The following FMN2 variants were observed in gnomAD, a reference collection of about 807,000 sequenced individuals.
The protein encoded by FMN2 is formin 2, also known as formin-2.
A neutral mutation model predicts 142.3 loss-of-function variants in FMN2; 51 were observed. That is an observed-to-expected ratio of 0.36 (90% confidence interval 0.29 to 0.45). The LOEUF is 0.45. Among genes scored for constraint, FMN2 ranks in the 20% least tolerant of loss-of-function variants. FMN2 has a pLI of 1.00. For synonymous variants in FMN2, 882 were observed against 869.8 expected, an observed-to-expected ratio of 1.01 and a Z score of -0.25; for missense variants, 1,936 against 2,122.8, an observed-to-expected ratio of 0.91 and a Z score of 1.73.
At chr1:240,121,425 G>T (rs1662241793) in intron 1 of FMN2, among the ~76,000 whole-genome samples, 1 of 150,238 alleles carries the variant, frequency 6.7e-6, no homozygotes, top group African/African-American at 2.4e-5. Flanking sequence ...CGCTAGGCTG[G>T]AGTGCAGTGG....
intron 14 of FMN2, among the ~76,000 whole-genome samples, chr1:240,360,879 C>T (rs9729470): frequency 0.49 from 74,696 of 151,214 alleles, 21,104 homozygotes; most frequent in African/African-American, 0.79. Flanking sequence ...GGACAAAAAA[C>T]CAAACACTGC....
At chr1:240,379,159 T>A (rs1673145389) in intron 14 of FMN2, among the ~76,000 whole-genome samples, 1 of 152,200 alleles carries the variant, frequency 6.6e-6, no homozygotes, top group South Asian at 2.1e-4. Flanking sequence ...CTTAGGCTAG[T>A]CTGGGGCATC....
chr1:240,417,594 T>A (rs2103135605), intron 15 of FMN2, among the ~76,000 whole-genome samples: 1 of 150,992 alleles, frequency 6.6e-6, no homozygotes, highest in Middle Eastern at 3.4e-3. Flanking sequence ...ACTGTCCCTT[T>A]CAGCATGGGA....
chr1:240,150,267 A>C (rs1054265333), intron 2 of FMN2, among the ~76,000 whole-genome samples: 3 of 152,234 alleles, frequency 2.0e-5, no homozygotes, highest in Admixed American at 1.3e-4. Context: ...TGAACTGCAA[A>C]TGAAAATTGA....
intron 2 of FMN2, chr1:240,142,768 G>A (rs1663243582): frequency 6.3e-7 from 1 of 1,597,684 alleles, no homozygotes; most frequent in African/African-American, 1.3e-5. Flanking sequence ...CGTTCCCCGT[G>A]GGCCAACGAC....
chr1:240,472,397 A>G lies in FMN2; in HGVS notation c.5086A>G (p.Arg1696Gly). ...AGTAAAAGAAGCCGAAGAGGTGTGT[A>G]GACAGAAGAAAGGAAAATCACTTTA... The part of the protein sequence containing the change: ...ERVKEAEEVC[R>G]QKKGKSLYKI... Residue 1696 changes from arginine (R) to glycine (G), a missense_variant, in exon 17 of 18, where the codon AGA becomes GGA. Coordinates refer to ENST00000319653, the MANE Select transcript of FMN2 (RefSeq NM_020066.5). The G allele has an allele frequency of 1.2e-6, 2 of 1,612,510 alleles. No individual in the cohort carries two copies. The highest frequency in any genetic ancestry group is 2.2e-5 in the East Asian group (1 of 44,738).
chr1:240,362,718 C>T (rs1214173213), intron 14 of FMN2, among the ~76,000 whole-genome samples: 1 of 152,064 alleles, frequency 6.6e-6, no homozygotes, highest in African/African-American at 2.4e-5. Context: ...TCATATGGTA[C>T]ATTTTGATAA....
At chr1:240,149,663 A>G (rs1320487168) in intron 2 of FMN2, among the ~76,000 whole-genome samples, 5 of 152,170 alleles carry the variant, frequency 3.3e-5, no homozygotes, top group Non-Finnish European at 7.3e-5. Flanking sequence ...TCTAGTGTCA[A>G]ATTTTTAGCT....
intron 15 of FMN2, among the ~76,000 whole-genome samples, chr1:240,403,092 T>C (rs1382879838): frequency 6.6e-6 from 1 of 152,224 alleles, no homozygotes; most frequent in African/African-American, 2.4e-5. Flanking sequence ...CTATTGCAAC[T>C]ATTCAGTTAG....
At position 240,363,834 on chromosome 1, in the gene FMN2, G is replaced by GC. The variant is rs1483040083; in HGVS notation, c.4858+7927dup. On this transcript the variant is annotated intron_variant, in intron 14 of 17. Transcript: ENST00000319653. ...CTTTGTCCCCTCTGCCCCCCAGCCT[G>GC]CTTCCTGCCTGATGGCTCAGGTGTC... Among the ~76,000 whole-genome samples the GC allele has an allele frequency of 1.4e-3, 211 of 151,990 alleles. 1 individual carries two copies. Among genetic ancestry groups the GC allele is most frequent in the South Asian group, 8.8e-3 (42 of 4,796 alleles).
intron 4 of FMN2, among the ~76,000 whole-genome samples, chr1:240,197,384 T>G (rs1377141371): frequency 6.6e-6 from 1 of 152,026 alleles, no homozygotes; most frequent in African/African-American, 2.4e-5. Context: ...CTGAGTTCTG[T>G]GGGCTGGTCT....
intron 1 of FMN2, among the ~76,000 whole-genome samples, chr1:240,102,785 T>C (rs1661458059): frequency 6.6e-6 from 1 of 152,132 alleles, no homozygotes; most frequent in African/African-American, 2.4e-5. Context: ...GTATAAGAAC[T>C]GCAGTGATTT....
intron 8 of FMN2, among the ~76,000 whole-genome samples, chr1:240,319,727 T>A (rs1670907061): frequency 6.6e-6 from 1 of 152,104 alleles, no homozygotes; most frequent in Non-Finnish European, 1.5e-5. Flanking sequence ...TTGATGTGAT[T>A]AACTAATGTA....
intron 15 of FMN2, among the ~76,000 whole-genome samples, chr1:240,419,778 CA>C (rs1282038613): frequency 2.6e-5 from 4 of 152,098 alleles, no homozygotes; most frequent in African/African-American, 9.7e-5. Context: ...TTCCTTTGGT[CA>C]GGGGGTCCTG....
intron 14 of FMN2, among the ~76,000 whole-genome samples, chr1:240,375,208 C>T (rs1380199991): frequency 3.9e-5 from 6 of 152,076 alleles, no homozygotes; most frequent in Non-Finnish European, 5.9e-5. Flanking sequence ...GATCACTGAT[C>T]ACAGATCACC....
At chr1:240,228,303 C>CAAAAAAAAAAAAAAAAAAAAAAAAA (rs577421634) in intron 6 of FMN2, among the ~76,000 whole-genome samples, 12 of 47,738 alleles carry the variant, frequency 2.5e-4, no homozygotes, top group East Asian at 6.1e-4. Context: ...AACTCTGTCT[C>CAAAAAAAAAAAAAAAAAAAAAAAAA]AAAAAAAAAA....
chr1:240,224,657 A>C (rs923034396), intron 6 of FMN2, among the ~76,000 whole-genome samples: 3 of 152,130 alleles, frequency 2.0e-5, no homozygotes, highest in African/African-American at 7.2e-5. Flanking sequence ...ACATACTCTT[A>C]CTGAAACACC....
chr1:240,454,841 C>G (rs1170199695), intron 16 of FMN2, among the ~76,000 whole-genome samples: 1 of 65,358 alleles, frequency 1.5e-5, no homozygotes, highest in Non-Finnish European at 3.9e-5. Flanking sequence ...ATATTGATGG[C>G]AAATTCAAGA....
chr1:240,430,428 G>T (rs1184502379), intron 15 of FMN2, among the ~76,000 whole-genome samples: 2 of 151,918 alleles, frequency 1.3e-5, no homozygotes, highest in African/African-American at 4.8e-5. Flanking sequence ...AAGTCTTTTT[G>T]ATTTAAGCCA....
Sources: gnomAD v4.1 joint callset for allele counts (sites outside exome capture counted in the v4.1 genomes callset) on GRCh38, gnomAD v4.1.1 for gene constraint, MANE v1.5 for transcripts, NCBI Gene and HGNC (gene_info 2026-07-23, HGNC 2026-07-21) for gene names.